ZNF438: variants seen among roughly 807,000 people sequenced by gnomAD.
ZNF438 encodes the protein zinc finger protein 438.
In ZNF438, 25 loss-of-function variants were observed where a neutral mutation model predicts 38.0. That is an observed-to-expected ratio of 0.66 (90% CI 0.48 to 0.92). The LOEUF is 0.92. Among genes scored for constraint, ZNF438 ranks in the 40% least tolerant of loss-of-function variants. ZNF438 has a pLI of 0.00. For missense variants in ZNF438, 1,007 were observed against 999.6 expected, an observed-to-expected ratio of 1.01 and a Z score of -0.10; for synonymous variants, 372 against 364.1, an observed-to-expected ratio of 1.02 and a Z score of -0.25.
At chr10:30,953,832 T>C (rs540457693) in intron 1 of ZNF438, among the ~76,000 whole-genome samples, 1 of 152,248 alleles carries the variant, frequency 6.6e-6, no homozygotes, top group South Asian at 2.1e-4. Flanking sequence ...TGTAACACTG[T>C]TCCTCACATG....
intron 2 of ZNF438, among the ~76,000 whole-genome samples, chr10:30,915,280 T>A (rs866627383): frequency 6.6e-6 from 1 of 152,076 alleles, no homozygotes; most frequent in Non-Finnish European, 1.5e-5. Context: ...ATAATATTCA[T>A]GGTCATTCCT....
At chr10:30,867,835 A>T (rs949598617) in intron 4 of ZNF438, among the ~76,000 whole-genome samples, 2 of 152,224 alleles carry the variant, frequency 1.3e-5, no homozygotes, top group African/African-American at 4.8e-5. Flanking sequence ...CCTAACACAA[A>T]TATTAATTAT....
At chr10:30,860,478 A>G (rs1051524920) in intron 4 of ZNF438, among the ~76,000 whole-genome samples, 1 of 152,244 alleles carries the variant, frequency 6.6e-6, no homozygotes. Context: ...GCTCATTATC[A>G]GTGAACCTTC....
intron 1 of ZNF438, among the ~76,000 whole-genome samples, chr10:30,992,886 C>T (rs1375492413): frequency 6.6e-6 from 1 of 152,214 alleles, no homozygotes; most frequent in Non-Finnish European, 1.5e-5. Context: ...AGGCTATGTC[C>T]ATGCCCTAGG....
intron 1 of ZNF438, among the ~76,000 whole-genome samples, chr10:30,973,744 G>A (rs1589511707): frequency 6.6e-6 from 1 of 152,138 alleles, no homozygotes; most frequent in South Asian, 2.1e-4. Flanking sequence ...GTGCTGTTCC[G>A]GTGGCTCTTC....
intron 1 of ZNF438, among the ~76,000 whole-genome samples, chr10:31,025,043 C>A (rs2056849643): frequency 6.6e-6 from 1 of 152,156 alleles, no homozygotes; most frequent in African/African-American, 2.4e-5. Flanking sequence ...AATTATTTCC[C>A]ATTCAGTAAA....
intron 2 of ZNF438, among the ~76,000 whole-genome samples, chr10:30,930,817 A>AAAAAAAAAAAAAAAAAAAAAAG: frequency 9.7e-6 from 1 of 102,580 alleles, no homozygotes; most frequent in African/African-American, 4.0e-5. Flanking sequence ...AAAAAAAAAA[A>AAAAAAAAAAAAAAAAAAAAAAG]AAAAAAAAAA....
intron 4 of ZNF438, among the ~76,000 whole-genome samples, chr10:30,860,695 A>G (rs1169135077): frequency 6.6e-6 from 1 of 152,202 alleles, no homozygotes; most frequent in East Asian, 1.9e-4. Context: ...CCCAGTTGAT[A>G]AAGTGCTAAT....
At chr10:30,864,707 C>T (rs1030407860) in intron 4 of ZNF438, among the ~76,000 whole-genome samples, 2 of 152,152 alleles carry the variant, frequency 1.3e-5, no homozygotes, top group Non-Finnish European at 2.9e-5. Context: ...AACAGAAAAA[C>T]AACAGCAACA....
chr10:30,954,012 G>A (rs567409560), intron 1 of ZNF438, among the ~76,000 whole-genome samples: 3 of 152,040 alleles, frequency 2.0e-5, no homozygotes, highest in South Asian at 2.1e-4. Flanking sequence ...ATGTGGTGGC[G>A]GGCACCTGTA....
In ZNF438 at chr10:30,845,548, C is replaced by G. The variant is rs751674707; in HGVS notation, c.1900G>C (p.Asp634His). ...TCGTCTGCCTGGTTTAGAAGGAAGT[C>G]TTCTTCCAGGTTGGACTTGTTTTCC... The change falls in exon 6 of 6, where the codon GAC becomes CAC. Residue 634 changes from aspartate (D) to histidine (H), a missense_variant. Transcript: ENST00000413025. The G allele has an allele frequency of 1.9e-6, 3 of 1,612,428 alleles. No individual in the cohort carries two copies. The Admixed American group carries it at 5.0e-5, about 27-fold the overall frequency.
At chr10:30,845,526 T>C (rs1316111520) in exon 6 of ZNF438, 4 of 1,613,958 alleles carry the variant, frequency 2.5e-6, no homozygotes, top group Middle Eastern at 1.6e-4. Flanking sequence ...TTTGACTTCG[T>C]CTGCCTGGTT....
At chr10:30,867,990 TCCC>T (rs1564525112) in intron 4 of ZNF438, among the ~76,000 whole-genome samples, 1 of 152,280 alleles carries the variant, frequency 6.6e-6, no homozygotes, top group Non-Finnish European at 1.5e-5. Context: ...TTTATATTTT[TCCC>T]CCAATTTTAA....
At chr10:30,845,169 GGGCCCT>G in exon 6 of ZNF438, 1 of 1,614,192 alleles carries the variant, frequency 6.2e-7, no homozygotes, top group Non-Finnish European at 8.5e-7. Context: ...AGGACACTCA[GGGCCCT>G]GGCAGGTTTC....
chr10:30,872,691 A>G (rs2037666482), intron 4 of ZNF438, among the ~76,000 whole-genome samples: 1 of 142,416 alleles, frequency 7.0e-6, no homozygotes, highest in Admixed American at 7.4e-5. Context: ...CGGAGCTTGC[A>G]GTGAGCCAAG....
At chr10:30,976,549 C>T (rs1162536779) in intron 1 of ZNF438, among the ~76,000 whole-genome samples, 2 of 152,094 alleles carry the variant, frequency 1.3e-5, no homozygotes, top group African/African-American at 2.4e-5. Context: ...CAAGACCAGT[C>T]TGGGCAATAT....
intron 3 of ZNF438, 58 bp from the exon 5 acceptor site, chr10:30,877,123 C>A: frequency 1.1e-6 from 1 of 935,402 alleles, no homozygotes; most frequent in Non-Finnish European, 1.5e-6. Flanking sequence ...CATGTTAATG[C>A]ATACTAAATA....
At chr10:30,847,700 C>A (rs1039158256) in intron 5 of ZNF438, among the ~76,000 whole-genome samples, 38 of 152,324 alleles carry the variant, frequency 2.5e-4, no homozygotes, top group African/African-American at 8.9e-4. Flanking sequence ...AGCTTCTGGG[C>A]AACATCATGT....
intron 1 of ZNF438, among the ~76,000 whole-genome samples, chr10:30,965,040 G>A (rs2049957351): frequency 6.6e-6 from 1 of 151,996 alleles, no homozygotes; most frequent in Non-Finnish European, 1.5e-5. Flanking sequence ...CAAAAACTAT[G>A]CATCCAACAA....
Sources: allele counts gnomAD v4.1 joint callset (sites outside exome capture counted in the v4.1 genomes callset), GRCh38; gene constraint gnomAD v4.1.1; transcripts MANE v1.5; gene names NCBI Gene and HGNC (gene_info 2026-07-23, HGNC 2026-07-21).